ADRA1A: variants seen among roughly 807,000 people sequenced by gnomAD.
The protein encoded by ADRA1A is adrenoceptor alpha 1A.
ADRA1A carries 31 observed loss-of-function variants against 29.6 expected under a neutral mutation model. That is an observed-to-expected ratio of 1.05 (90% CI 0.79 to 1.41). The LOEUF is 1.41. Ranked by LOEUF, ADRA1A falls within the 40% of genes most tolerant of loss-of-function variation. The pLI is 0.00. For synonymous variants in ADRA1A, 311 were observed against 254.3 expected (o/e 1.22, Z -2.12); for missense variants, 619 against 601.1 (o/e 1.03, Z -0.31).
chr8:26,794,096 A>G (rs1461166296), intron 2 of ADRA1A, among the ~76,000 whole-genome samples: 1 of 152,054 alleles, frequency 6.6e-6, no homozygotes, highest in Non-Finnish European at 1.5e-5. Flanking sequence ...GTAAAAACAA[A>G]CCATGATCAA....
chr8:26,838,942 T>C (rs1811589954), intron 2 of ADRA1A, among the ~76,000 whole-genome samples: 1 of 152,152 alleles, frequency 6.6e-6, no homozygotes, highest in African/African-American at 2.4e-5. Context: ...ACCCTCACCA[T>C]GTGACTAGCT....
At chr8:26,843,254 G>A (rs752947097) in intron 2 of ADRA1A, among the ~76,000 whole-genome samples, 5 of 152,194 alleles carry the variant, frequency 3.3e-5, no homozygotes, top group Admixed American at 6.5e-5. Flanking sequence ...TCAGTGCTTT[G>A]TGAACATGTC....
At chr8:26,788,927 TA>T (rs1443932931) in intron 2 of ADRA1A, among the ~76,000 whole-genome samples, 3 of 152,162 alleles carry the variant, frequency 2.0e-5, no homozygotes, top group Non-Finnish European at 4.4e-5. Context: ...ATTTTATGGT[TA>T]AAAATATATA....
At chr8:26,784,754 T>G (rs1807252421) in intron 2 of ADRA1A, among the ~76,000 whole-genome samples, 1 of 152,160 alleles carries the variant, frequency 6.6e-6, no homozygotes, top group African/African-American at 2.4e-5. Flanking sequence ...TTCATAAGGC[T>G]TATACTATCT....
In ADRA1A at chr8:26,810,069, T is replaced by C. The variant is rs1809273533; in HGVS notation, c.884-39403A>G. On this transcript the variant is annotated intron_variant, in intron 2 of 2. Coordinates refer to ENST00000380573, the MANE Select transcript of ADRA1A (RefSeq NM_000680.4). ...TGCCCTTATTACTTCCTGCCTTTCT[T>C]TTAACTGAGCTCCACTGGCTCAGAC... is the stretch of plus-strand genomic sequence containing the variant. 2.0e-5 allele frequency among the ~76,000 whole-genome samples: 3 copies of C among 152,230 alleles called. No individual in the cohort carries two copies. The South Asian group carries it at 6.2e-4, about 32-fold the overall frequency.
At chr8:26,845,035 G>T (rs1364595747) in intron 2 of ADRA1A, among the ~76,000 whole-genome samples, 1 of 152,130 alleles carries the variant, frequency 6.6e-6, no homozygotes, top group African/African-American at 2.4e-5. Context: ...ATTAGACAAT[G>T]ACTCCTTAGA....
At chr8:26,837,417 G>A (rs1179444681) in intron 2 of ADRA1A, among the ~76,000 whole-genome samples, 32 of 152,256 alleles carry the variant, frequency 2.1e-4, no homozygotes, top group Admixed American at 2.0e-3. Context: ...TTGGGAGGCT[G>A]AGGAGGGCAG....
rs1363075843 is a variant in ADRA1A at position 26,775,514 on chromosome 8, C to T, written c.884-4848G>A. Among the ~76,000 whole-genome samples the T allele has an allele frequency of 6.6e-6, 1 of 152,148 alleles. No individual in the cohort carries two copies. The highest frequency in any genetic ancestry group is 2.4e-5 in the African/African-American group (1 of 41,428). On this transcript the variant is annotated intron_variant, in intron 2 of 2. Transcript: ENST00000380573. The surrounding 1 kb of genome is among the most constrained non-coding windows in gnomAD (Gnocchi z 4.1). ...AATCACCCACATGAGAATAGGGGCT[C>T]CTACTTCTTTGGTCACCGTAGCTAT...
At chr8:26,828,256 T>C (rs543539187) in intron 2 of ADRA1A, among the ~76,000 whole-genome samples, 2 of 152,346 alleles carry the variant, frequency 1.3e-5, no homozygotes, top group East Asian at 3.9e-4. Context: ...AAACTGTTCT[T>C]GGAGTGCTTG....
intron 2 of ADRA1A, among the ~76,000 whole-genome samples, chr8:26,760,566 A>C (rs1398223288): frequency 2.6e-5 from 4 of 152,204 alleles, no homozygotes; most frequent in Non-Finnish European, 5.9e-5. Context: ...CAGCACTGAC[A>C]TACCCTTAAC....
chr8:26,784,581 G>T (rs556231060), intron 2 of ADRA1A, among the ~76,000 whole-genome samples: 1 of 152,148 alleles, frequency 6.6e-6, no homozygotes, highest in East Asian at 1.9e-4. Context: ...GACACAGTTC[G>T]TCAAAATGAA....
chr8:26,783,004 G>C (rs979111326), intron 2 of ADRA1A, among the ~76,000 whole-genome samples: 4 of 152,100 alleles, frequency 2.6e-5, no homozygotes, highest in Non-Finnish European at 5.9e-5. Flanking sequence ...ACTTGTTATT[G>C]TCCATTCCAG....
At chr8:26,813,074 C>A (rs1362628146) in intron 2 of ADRA1A, among the ~76,000 whole-genome samples, 1 of 151,982 alleles carries the variant, frequency 6.6e-6, no homozygotes, top group East Asian at 1.9e-4. Flanking sequence ...TTCACTCATA[C>A]CCTTCCTGTC....
chr8:26,848,920 A>G lies in ADRA1A; in HGVS notation c.883+15167T>C, dbSNP rs1812413340. ...CCACAAACTTCTGAAGGACTGAAGG[A>G]GAGAATCGCACTGCGGGTGACCCAC... On this transcript the variant is annotated intron_variant, in intron 2 of 2. Transcript: ENST00000380573. This position sits in a 1 kb window ranked among gnomAD's most constrained non-coding sequence, Gnocchi z 4.3. 6.6e-6 allele frequency among the ~76,000 whole-genome samples: 1 copy of G among 152,154 alleles called. No individual in the cohort carries two copies. Among genetic ancestry groups the G allele is most frequent in the Admixed American group, 6.5e-5 (1 of 15,274 alleles).
chr8:26,756,816 A>G (rs371272545), intron 2 of ADRA1A: 1 of 1,602,504 alleles, frequency 6.2e-7, no homozygotes, highest in Non-Finnish European at 8.5e-7. Flanking sequence ...TTAATTAATC[A>G]TGCATTTTTA....
chr8:26,807,949 C>G (rs564804367), intron 2 of ADRA1A, among the ~76,000 whole-genome samples: 1 of 152,284 alleles, frequency 6.6e-6, no homozygotes, highest in Non-Finnish European at 1.5e-5. Flanking sequence ...AACCACAGTT[C>G]CCAAGCTCTT....
intron 2 of ADRA1A, among the ~76,000 whole-genome samples, chr8:26,852,588 C>A (rs888651189): frequency 6.6e-6 from 1 of 151,952 alleles, no homozygotes; most frequent in African/African-American, 2.4e-5. Context: ...AATGAGAAGG[C>A]AAATGGAAAA....
chr8:26,863,298 C>T (rs1585864909), intron 2 of ADRA1A, among the ~76,000 whole-genome samples: 1 of 152,152 alleles, frequency 6.6e-6, no homozygotes, highest in African/African-American at 2.4e-5. Flanking sequence ...TTAATTTTGA[C>T]AACAGCTAAT....
At position 26,864,211 on chromosome 8, in the gene ADRA1A, G is replaced by T; in HGVS notation, c.759C>A (p.Thr253=). 1 of 1,614,172 alleles carries T rather than the reference G, an allele frequency of 6.2e-7. No homozygotes were observed. Among genetic ancestry groups the T allele is most frequent in the Non-Finnish European group, 8.5e-7 (1 of 1,180,034 alleles). The change falls in exon 2 of 3, where the codon ACC becomes ACA. Residue 253 remains threonine (T), a synonymous_variant. Coordinates refer to ENST00000380573, the MANE Select transcript of ADRA1A (RefSeq NM_000680.4). This position sits in a 1 kb window ranked among gnomAD's most constrained non-coding sequence, Gnocchi z 8.1. ...GGAGCCTCACTGAGAAGTGCGTCTT[G>T]GTCTTGGCGCTGGCCATCCCGCTGC... ...AGGSGMASAK[T]KTHFSVRLLK... is the part of the protein sequence containing the mutation.
Sources: allele counts gnomAD v4.1 joint callset (sites outside exome capture counted in the v4.1 genomes callset), GRCh38; gene constraint gnomAD v4.1.1; non-coding constraint Gnocchi (gnomAD v3.1); transcripts MANE v1.5; gene names NCBI Gene and HGNC (gene_info 2026-07-23, HGNC 2026-07-21).